Variants in CDH12 observed in about 807,000 individuals in gnomAD.
CDH12 encodes cadherin 12.
A neutral mutation model predicts 74.1 loss-of-function variants in CDH12; 41 were observed. The ratio of observed to expected loss-of-function variants is 0.55; its 90% confidence interval spans 0.43 to 0.72. The LOEUF (loss-of-function observed/expected upper bound fraction) is 0.72. Among genes scored for constraint, CDH12 ranks in the 30% least tolerant of loss-of-function variants. The pLI is 0.00. For missense variants in CDH12, 945 were observed against 977.2 expected (o/e 0.97, Z 0.44); for synonymous variants, 399 against 355.0 (o/e 1.12, Z -1.39).
intron 1 of CDH12, among the ~76,000 whole-genome samples, chr5:22,689,597 G>T (rs1016577955): frequency 7.0e-6 from 1 of 143,540 alleles, no homozygotes; most frequent in African/African-American, 2.6e-5. Flanking sequence ...CCTATATATT[G>T]CAAGAACTTA....
chr5:22,776,037 C>T (rs1170872397), intron 1 of CDH12, among the ~76,000 whole-genome samples: 4 of 152,126 alleles, frequency 2.6e-5, no homozygotes, highest in African/African-American at 9.7e-5. Context: ...GAGGCCTCCC[C>T]AGCCATGTGG....
At chr5:22,386,640 G>C (rs1742013329) in intron 3 of CDH12, among the ~76,000 whole-genome samples, 1 of 151,234 alleles carries the variant, frequency 6.6e-6, no homozygotes, top group Non-Finnish European at 1.5e-5. Context: ...TTATTATCAG[G>C]GAAAAAAATC....
intron 2 of CDH12, among the ~76,000 whole-genome samples, chr5:22,454,082 A>C: frequency 6.6e-6 from 1 of 152,060 alleles, no homozygotes; most frequent in Admixed American, 6.5e-5. Context: ...TACAGTTATT[A>C]ACATATAATT....
intron 1 of CDH12, among the ~76,000 whole-genome samples, chr5:22,551,945 A>G (rs369098788): frequency 6.6e-6 from 1 of 151,720 alleles, no homozygotes; most frequent in East Asian, 2.0e-4. Context: ...TACACTTTAA[A>G]TATTCTTACT....
chr5:22,405,679 T>C (rs963475643), intron 2 of CDH12, among the ~76,000 whole-genome samples: 1 of 152,326 alleles, frequency 6.6e-6, no homozygotes, highest in Admixed American at 6.5e-5. Context: ...GGTGACAGAA[T>C]GGAGTCAACT....
chr5:22,841,586 G>C (rs562864775), intron 1 of CDH12, among the ~76,000 whole-genome samples: 1 of 152,132 alleles, frequency 6.6e-6, no homozygotes, highest in African/African-American at 2.4e-5. Context: ...GATCTCTAAG[G>C]GCGTGGGTGT....
At chr5:21,983,114 A>G (rs1411639937) in intron 5 of CDH12, among the ~76,000 whole-genome samples, 1 of 152,034 alleles carries the variant, frequency 6.6e-6, no homozygotes, top group African/African-American at 2.4e-5. Flanking sequence ...TTGGTTTACT[A>G]TTTTGTTGTC....
intron 8 of CDH12, among the ~76,000 whole-genome samples, chr5:21,831,488 A>G (rs1749020233): frequency 6.6e-6 from 1 of 152,214 alleles, no homozygotes; most frequent in South Asian, 2.1e-4. Flanking sequence ...TGATCGCCCT[A>G]TTCTCTAAAG....
intron 1 of CDH12, among the ~76,000 whole-genome samples, chr5:22,546,559 A>G (rs1580752734): frequency 6.6e-6 from 1 of 152,178 alleles, no homozygotes; most frequent in East Asian, 1.9e-4. Flanking sequence ...TACATCTGGA[A>G]CAAAGATTTT....
chr5:21,839,604 A>T (rs1252491289), intron 8 of CDH12, among the ~76,000 whole-genome samples: 1 of 152,170 alleles, frequency 6.6e-6, no homozygotes, highest in African/African-American at 2.4e-5. Context: ...TTAAGAAAAA[A>T]AATGACAAAG....
intron 1 of CDH12, among the ~76,000 whole-genome samples, chr5:22,599,670 G>A (rs1019837820): frequency 2.6e-5 from 4 of 151,878 alleles, no homozygotes; most frequent in African/African-American, 9.7e-5. Context: ...AATATTTGAT[G>A]GAACTATCCT....
At chr5:22,540,521 C>T (rs951371661) in intron 1 of CDH12, among the ~76,000 whole-genome samples, 12 of 151,792 alleles carry the variant, frequency 7.9e-5, no homozygotes, top group Non-Finnish European at 1.8e-4. Flanking sequence ...TTTTTAATAC[C>T]AAAATCATCA....
chr5:22,269,385 A>C (rs1468908446), intron 3 of CDH12, among the ~76,000 whole-genome samples: 1 of 152,122 alleles, frequency 6.6e-6, no homozygotes, highest in Admixed American at 6.6e-5. Context: ...TGCTATGAAC[A>C]ATTACCCCCA....
intron 3 of CDH12, among the ~76,000 whole-genome samples, chr5:22,214,421 A>G (rs1406381142): frequency 1.3e-5 from 2 of 152,194 alleles, no homozygotes; most frequent in African/African-American, 4.8e-5. Flanking sequence ...AGTAGAAAAG[A>G]GGCTGCTTAC....
chr5:21,813,835 C>G (rs1349094275), intron 9 of CDH12, among the ~76,000 whole-genome samples: 1 of 152,160 alleles, frequency 6.6e-6, no homozygotes, highest in Non-Finnish European at 1.5e-5. Flanking sequence ...CCACCCTCCA[C>G]ATGCCTTTTA....
chr5:22,302,493 T>C (rs1233707064), intron 3 of CDH12, among the ~76,000 whole-genome samples: 1 of 152,162 alleles, frequency 6.6e-6, no homozygotes, highest in Non-Finnish European at 1.5e-5. Flanking sequence ...CTTGGATAGG[T>C]TGAATTTAAA....
chr5:22,190,276 C>T (rs1451442322), intron 4 of CDH12, among the ~76,000 whole-genome samples: 2 of 151,976 alleles, frequency 1.3e-5, no homozygotes, highest in Non-Finnish European at 2.9e-5. Flanking sequence ...ACACAATTTT[C>T]ATTTTTCAAG....
At chr5:22,307,130 C>G (rs1484326001) in intron 3 of CDH12, among the ~76,000 whole-genome samples, 2 of 152,150 alleles carry the variant, frequency 1.3e-5, no homozygotes, top group Non-Finnish European at 2.9e-5. Context: ...CACAGCTCAC[C>G]TCAGATGACT....
At chr5:22,349,902 G>T (rs1207855173) in intron 3 of CDH12, among the ~76,000 whole-genome samples, 1 of 152,102 alleles carries the variant, frequency 6.6e-6, no homozygotes, top group East Asian at 1.9e-4. Context: ...TAAAAAATTT[G>T]TCAACCAGTA....
Sources: gnomAD v4.1 joint callset for allele counts (sites outside exome capture counted in the v4.1 genomes callset) on GRCh38, gnomAD v4.1.1 for gene constraint, MANE v1.5 for transcripts, NCBI Gene and HGNC (gene_info 2026-07-23, HGNC 2026-07-21) for gene names.